The following NADSYN1 variants were observed in gnomAD, a reference collection of about 807,000 sequenced individuals.
NADSYN1 encodes the protein glutamine-dependent NAD(+) synthetase.
Under a neutral mutation model 99.3 loss-of-function variants are expected in NADSYN1, and 80 were observed. The ratio of observed to expected loss-of-function variants is 0.81; its 90% CI spans 0.67 to 0.97. NADSYN1 has a LOEUF of 0.97. NADSYN1 is among the 50% of genes least tolerant of loss of function. NADSYN1 has a pLI of 0.00. For synonymous variants in NADSYN1, 385 were observed against 372.1 expected (o/e 1.03, Z -0.40); for missense variants, 859 against 948.5 (o/e 0.91, Z 1.24).
chr11:71,482,134 G>T, intron 13 of NADSYN1, 109 bp downstream of exon 13: 1 of 952,164 alleles, frequency 1.1e-6, no homozygotes, highest in Non-Finnish European at 1.6e-6. Flanking sequence ...TGGACATCGG[G>T]GTGAAGGGGG....
intron 18 of NADSYN1, among the ~76,000 whole-genome samples, chr11:71,492,306 A>T (rs931644500): frequency 1.3e-5 from 2 of 152,158 alleles, no homozygotes; most frequent in Non-Finnish European, 2.9e-5. Flanking sequence ...TGCTGGGGGA[A>T]GTGGCTGTGG....
chr11:71,454,592 T>TTGG (rs35880452), intron 1 of NADSYN1, among the ~76,000 whole-genome samples: 88,248 of 151,540 alleles, frequency 0.58, 27,819 homozygotes, highest in Non-Finnish European at 0.74. Flanking sequence ...TGAAGAAGGC[T>TTGG]TGGCCAAAAC....
chr11:71,480,955 C>T, intron 11 of NADSYN1, 76 bp downstream of exon 11: 2 of 1,579,756 alleles, frequency 1.3e-6, no homozygotes, highest in African/African-American at 1.4e-5. Flanking sequence ...TCCTGGAGGT[C>T]ACGCAGTGGG....
At position 71,464,198 on chromosome 11, in the gene NADSYN1, T is replaced by C. The variant is rs901586484; in HGVS notation, c.407+56T>C. ...GTGCGTTAAGCACCTCCGCTGTGTG[T>C]AGCCTTGGGTCCTGATCATGGGAGT... On this transcript the variant is annotated intron_variant, in intron 5 of 20. Coordinates refer to ENST00000319023, the MANE Select transcript of NADSYN1 (RefSeq NM_018161.5). The C allele has an allele frequency of 1.8e-5, 25 of 1,394,854 alleles. No homozygotes were observed. The Admixed American group carries it at 1.9e-4, about 11-fold the overall frequency. 86.4% of individuals were successfully genotyped at this position (1,394,854 alleles called of 1,614,324 possible). A position where few individuals can be genotyped will look rare whatever the true frequency, so the allele number is the denominator to read the frequency against.
intron 16 of NADSYN1, among the ~76,000 whole-genome samples, chr11:71,488,052 C>A (rs1414622440): frequency 6.6e-6 from 1 of 152,016 alleles, no homozygotes; most frequent in Non-Finnish European, 1.5e-5. Context: ...TGTGTTCTGG[C>A]AAGAATCTCA....
At chr11:71,482,678 G>A (rs1185246753) in intron 13 of NADSYN1, 171 bp from the exon 14 acceptor site, 1 of 521,822 alleles carries the variant, frequency 1.9e-6, no homozygotes, top group Non-Finnish European at 3.4e-6. Context: ...GACTGGGGTG[G>A]AGCCGCACAG....
chr11:71,455,022 C>A, intron 1 of NADSYN1, 88 bp from the exon 2 acceptor site: 1 of 962,812 alleles, frequency 1.0e-6, no homozygotes, highest in Non-Finnish European at 1.6e-6. Flanking sequence ...TTTTTTTTAT[C>A]CTACCTACTG....
chr11:71,473,507 G>A, intron 7 of NADSYN1, 62 bp from the exon 8 acceptor site: 3 of 1,546,500 alleles, frequency 1.9e-6, no homozygotes, highest in Non-Finnish European at 2.7e-6. Flanking sequence ...GCAAGGGGCT[G>A]CCAGGGAGGC....
At chr11:71,465,781 T>C (rs1370464038) in intron 5 of NADSYN1, among the ~76,000 whole-genome samples, 1 of 152,256 alleles carries the variant, frequency 6.6e-6, no homozygotes, top group Admixed American at 6.5e-5. Flanking sequence ...TTTTAAGTGG[T>C]TAATTTTTTA....
intron 16 of NADSYN1, among the ~76,000 whole-genome samples, chr11:71,489,392 T>C (rs1045314278): frequency 6.6e-6 from 1 of 152,144 alleles, no homozygotes; most frequent in Non-Finnish European, 1.5e-5. Flanking sequence ...CCCCACTTCC[T>C]GGCTGGAGTT....
At chr11:71,492,211 T>C (rs1949785133) in intron 18 of NADSYN1, among the ~76,000 whole-genome samples, 1 of 152,194 alleles carries the variant, frequency 6.6e-6, no homozygotes. Context: ...TTTAGAGCGA[T>C]GTAGGAGGAG....
In NADSYN1 at chr11:71,498,413, C is replaced by T. The variant is rs143446774; in HGVS notation, c.1955C>T (p.Thr652Met). 3.4e-5 allele frequency: 55 copies of T among 1,614,054 alleles called. No individual in the cohort carries two copies. The highest frequency in any genetic ancestry group is 2.0e-4 in the East Asian group (9 of 44,884). ...KYSMNRHKMT[T>M]LTPAYHAENY... ...TCCATGAACAGACACAAGATGACCA[C>T]GCTCACACCCGCGTACCACGCCGAG... Residue 652 changes from threonine (T) to methionine (M), a missense_variant, in exon 20 of 21, where the codon ACG becomes ATG. Thr to Met is a moderately conservative substitution (Grantham distance 81, BLOSUM62 -1). Coordinates refer to ENST00000319023, the MANE Select transcript of NADSYN1 (RefSeq NM_018161.5).
chr11:71,483,542 AG>A (rs1949722968), intron 14 of NADSYN1, among the ~76,000 whole-genome samples: 1 of 152,130 alleles, frequency 6.6e-6, no homozygotes, highest in African/African-American at 2.4e-5. Context: ...CAGTGGAAGG[AG>A]GGCACCTTTC....
intron 4 of NADSYN1, 56 bp downstream of exon 4, chr11:71,463,541 G>A: frequency 6.5e-7 from 1 of 1,547,748 alleles, no homozygotes; most frequent in Non-Finnish European, 8.9e-7. Flanking sequence ...CTGGCTCTCA[G>A]CTGAGGGCTG....
chr11:71,485,324 G>T, intron 15 of NADSYN1: 1 of 371,830 alleles, frequency 2.7e-6, no homozygotes, highest in Non-Finnish European at 4.9e-6. Flanking sequence ...CATCTTTGAA[G>T]GCAAGGCACC....
At position 71,476,884 on chromosome 11, in the gene NADSYN1, G is replaced by A. The variant is rs941235172; in HGVS notation, c.799-1511G>A. On this transcript the variant is annotated intron_variant, in intron 9 of 20. Transcript: ENST00000319023. ...TTAGTGAGCACCAGGCAGTTGTTTC[G>A]TGCATTAGAATCCGGGAGCCGTTGC... 3.0e-5 allele frequency: 30 copies of A among 986,904 alleles called. No homozygotes were observed. The East Asian group carries it at 3.4e-4, about 11-fold the overall frequency. 61.1% of individuals were successfully genotyped at this position (986,904 alleles called of 1,614,324 possible).
intron 5 of NADSYN1, among the ~76,000 whole-genome samples, chr11:71,471,754 A>T (rs533858415): frequency 6.6e-6 from 1 of 152,300 alleles, no homozygotes; most frequent in South Asian, 2.1e-4. Flanking sequence ...GAAAGACATC[A>T]TTGACTCAGT....
At chr11:71,493,580 TA>T (rs58551920) in intron 18 of NADSYN1, among the ~76,000 whole-genome samples, 13,453 of 150,152 alleles carry the variant, frequency 0.09, 729 homozygotes, top group African/African-American at 0.16. Context: ...AAAAGCAAAA[TA>T]AAAAAAAAAT....
intron 8 of NADSYN1, among the ~76,000 whole-genome samples, chr11:71,473,927 C>T (rs190354770): frequency 4.5e-4 from 69 of 152,350 alleles, no homozygotes; most frequent in African/African-American, 1.6e-3. Context: ...TGACCAGGAA[C>T]CGGAACGTGC....
Sources: gnomAD v4.1 joint callset for allele counts (sites outside exome capture counted in the v4.1 genomes callset) on GRCh38, gnomAD v4.1.1 for gene constraint, MANE v1.5 for transcripts, NCBI Gene and HGNC (gene_info 2026-07-23, HGNC 2026-07-21) for gene names.